DET1: variants seen among roughly 807,000 people sequenced by gnomAD.
DET1 encodes the protein DET1 homolog.
DET1 carries 22 observed loss-of-function variants against 43.7 expected under a neutral mutation model. That is an observed-to-expected ratio of 0.50 (90% CI 0.36 to 0.72). The LOEUF is 0.72. Ranked by LOEUF, DET1 falls within the 30% of genes least tolerant of loss-of-function variation. DET1 has a pLI of 0.00. For synonymous variants in DET1, 315 were observed against 266.2 expected, an observed-to-expected ratio of 1.18 and a Z score of -1.79; for missense variants, 713 against 713.3, an observed-to-expected ratio of 1.00 and a Z score of 0.00.
chr15:88,507,181 C>T (rs1015128784), intron 7 of DET1, among the ~76,000 whole-genome samples: 2 of 152,154 alleles, frequency 1.3e-5, no homozygotes, highest in Non-Finnish European at 2.9e-5. Flanking sequence ...AGTCCATTCC[C>T]ATGGCTTTAA....
intron 3 of DET1, among the ~76,000 whole-genome samples, chr15:88,527,094 T>G (rs1051361046): frequency 1.4e-4 from 21 of 152,202 alleles, no homozygotes; most frequent in African/African-American, 4.3e-4. Flanking sequence ...TTTAAAACTT[T>G]GTTAATATGT....
intron 1 of DET1, among the ~76,000 whole-genome samples, chr15:88,532,622 C>T (rs907936918): frequency 1.3e-5 from 2 of 152,018 alleles, no homozygotes; most frequent in Admixed American, 6.6e-5. Context: ...AATGAAATGG[C>T]CCACAGATAA....
rs148716905 is a variant in DET1 at position 88,537,554 on chromosome 15, T to A, written c.-10-5839A>T. On this transcript the variant is annotated intron_variant, in intron 1 of 4. Coordinates refer to ENST00000268148, the MANE Select transcript of DET1 (RefSeq NM_001144074.3). ...TTCACTGGAACCCTCCCATACCCAG[T>A]CATTTACATATTGCTTTTGCCCTAC... 6.8e-4 allele frequency among the ~76,000 whole-genome samples: 103 copies of A among 152,310 alleles called. 1 individual carries two copies. Among genetic ancestry groups the A allele is most frequent in the African/African-American group, 2.4e-3 (98 of 41,564 alleles).
chr15:88,513,622 G>GTTTTT (rs34991328), intron 4 of DET1, among the ~76,000 whole-genome samples: 2 of 115,386 alleles, frequency 1.7e-5, no homozygotes, highest in African/African-American at 6.4e-5. Context: ...CTATTAGTGA[G>GTTTTT]TTTTTTTTTT....
chr15:88,530,332 G>A (rs1433633367), intron 2 of DET1, among the ~76,000 whole-genome samples: 1 of 152,136 alleles, frequency 6.6e-6, no homozygotes, highest in East Asian at 1.9e-4. Flanking sequence ...CCTTGACCTT[G>A]TAGCATTTGG....
At chr15:88,523,739 T>C (rs2056570891) in intron 3 of DET1, among the ~76,000 whole-genome samples, 2 of 152,358 alleles carry the variant, frequency 1.3e-5, no homozygotes, top group Non-Finnish European at 2.9e-5. Context: ...GCTCACTCAG[T>C]GCTCAATCTT....
chr15:88,543,165 G>C (rs2057156793), intron 1 of DET1, among the ~76,000 whole-genome samples: 1 of 152,192 alleles, frequency 6.6e-6, no homozygotes, highest in South Asian at 2.1e-4. Context: ...ATGAGAGCCA[G>C]GGAATTGCTA....
chr15:88,522,512 G>GTTTTTTTTTTTTTT (rs55764530), intron 3 of DET1, among the ~76,000 whole-genome samples: 3,076 of 79,670 alleles, frequency 0.039, 725 homozygotes, highest in African/African-American at 0.086. Context: ...AATGTTCCTG[G>GTTTTTTTTTTTTTT]TTTTTTTTTT....
chr15:88,544,307 G>C lies in DET1; in HGVS notation c.-11+2233C>G, dbSNP rs569359208. On this transcript the variant is annotated intron_variant, in intron 1 of 4. Coordinates refer to ENST00000268148, the MANE Select transcript of DET1 (RefSeq NM_001144074.3). Reference sequence around the variant, plus strand: ...TTAAAAACCGGTAAAAATTGGGTAAGTCTCCTTCCTTTAGCCCTACTTAGA... The same window carrying C: ...TTAAAAACCGGTAAAAATTGGGTAACTCTCCTTCCTTTAGCCCTACTTAGA... Among the ~76,000 whole-genome samples, 21 of 152,330 alleles carry C rather than the reference G, an allele frequency of 1.4e-4. No homozygotes were observed. The South Asian group carries it at 3.9e-3, about 29-fold the overall frequency.
Position 88,541,271 on chromosome 15 carries a change from T to G in DET1, c.-11+5269A>C, listed in dbSNP as rs373474811. 4.6e-5 allele frequency among the ~76,000 whole-genome samples: 7 copies of G among 151,848 alleles called. 1 individual carries two copies. In the East Asian group the frequency reaches 7.8e-4, roughly 17 times the overall value. On this transcript the variant is annotated intron_variant, in intron 1 of 4. Transcript: ENST00000268148. Reference sequence around the variant, plus strand: ...AAAGACCTTTGTTCACGTGTTTGTCTGCTGACCCTCTCCGCACAATTGTCT... The same window carrying G: ...AAAGACCTTTGTTCACGTGTTTGTCGGCTGACCCTCTCCGCACAATTGTCT...
At chr15:88,542,217 C>T (rs1598352383) in intron 1 of DET1, among the ~76,000 whole-genome samples, 1 of 152,114 alleles carries the variant, frequency 6.6e-6, no homozygotes, top group African/African-American at 2.4e-5. Flanking sequence ...GAAAACACTT[C>T]CTTGCATTAA....
Position 88,531,810 on chromosome 15 carries a change from C to T in DET1, c.-10-95G>A, listed in dbSNP as rs2056823572. 1.6e-6 allele frequency: 2 copies of T among 1,259,728 alleles called. No homozygotes were observed. Among genetic ancestry groups the T allele is most frequent in the South Asian group, 1.6e-5 (1 of 63,258 alleles). The allele number at this position is 1,259,728 out of a possible 1,614,324, so 78.0% of individuals were successfully genotyped here. ...TGAAACAGATTTCTCTTCTTATATC[C>T]TGAACCTAGGAGCTCCCAAGATGAC... On this transcript the variant is annotated intron_variant, in intron 1 of 4. Transcript: ENST00000268148. This position sits in a 1 kb window ranked among gnomAD's most constrained non-coding sequence, Gnocchi z 6.2.
intron 1 of DET1, among the ~76,000 whole-genome samples, chr15:88,537,482 T>C (rs1273267819): frequency 6.6e-6 from 1 of 152,146 alleles, no homozygotes; most frequent in Non-Finnish European, 1.5e-5. Flanking sequence ...ATTACAGGCA[T>C]GAGCTACCAC....
downstream of DET1, among the ~76,000 whole-genome samples, chr15:88,510,530 A>G (rs924980789): frequency 1.3e-5 from 2 of 152,238 alleles, no homozygotes; most frequent in African/African-American, 4.8e-5. Flanking sequence ...TGGGTAGTAC[A>G]CTACAAGAAC....
At position 88,512,876 on chromosome 15, in the gene DET1, T is replaced by C; in HGVS notation, c.*75A>G. On this transcript the variant is annotated 3_prime_UTR_variant, in exon 5 of 5. Coordinates refer to ENST00000268148, the MANE Select transcript of DET1 (RefSeq NM_001144074.3). ...CTAACAGAGCTAGTAGTCGGGAGCT[T>C]TTGCTTTGGAGTCCACTGAGATAAG... 1 of 1,563,054 alleles carries C rather than the reference T, an allele frequency of 6.4e-7. No homozygotes were observed. Among genetic ancestry groups the C allele is most frequent in the East Asian group, 2.3e-5 (1 of 44,316 alleles).
At chr15:88,540,462 CT>C (rs975401103) in intron 1 of DET1, among the ~76,000 whole-genome samples, 5 of 148,044 alleles carry the variant, frequency 3.4e-5, no homozygotes, top group South Asian at 4.2e-4. Context: ...AAATTGCCTT[CT>C]AAAAAAAAAA....
chr15:88,511,045 T>TA (rs1241000867), downstream of DET1, among the ~76,000 whole-genome samples: 1 of 152,190 alleles, frequency 6.6e-6, no homozygotes, highest in African/African-American at 2.4e-5. Flanking sequence ...GTGCTGGGAT[T>TA]ACAGGCATGA....
chr15:88,517,880 C>T (rs1000642954), intron 3 of DET1, among the ~76,000 whole-genome samples: 1 of 152,110 alleles, frequency 6.6e-6, no homozygotes, highest in Non-Finnish European at 1.5e-5. Context: ...TCTGACTTAT[C>T]TTTGAAAATA....
chr15:88,539,186 G>A (rs1456482432), intron 1 of DET1, among the ~76,000 whole-genome samples: 1 of 151,946 alleles, frequency 6.6e-6, no homozygotes, highest in East Asian at 1.9e-4. Context: ...TCTGTGAATG[G>A]TGAGTGACTG....
Sources: allele counts gnomAD v4.1 joint callset (sites outside exome capture counted in the v4.1 genomes callset), GRCh38; gene constraint gnomAD v4.1.1; non-coding constraint Gnocchi (gnomAD v3.1); transcripts MANE v1.5; gene names NCBI Gene and HGNC (gene_info 2026-07-23, HGNC 2026-07-21).